The following MOCS1 variants were observed in gnomAD, a reference collection of about 807,000 sequenced individuals.
The protein encoded by MOCS1 is molybdenum cofactor biosynthesis protein 1.
Under a neutral mutation model 57.6 loss-of-function variants are expected in MOCS1, and 39 were observed. That is an observed-to-expected ratio of 0.68 (90% CI 0.52 to 0.88). The LOEUF is 0.88. Among genes scored for constraint, MOCS1 ranks in the 40% least tolerant of loss-of-function variants. MOCS1 has a pLI of 0.00. For missense variants in MOCS1, 795 were observed against 831.1 expected (o/e 0.96, Z 0.53); for synonymous variants, 334 against 335.7 (o/e 1.00, Z 0.05).
At chr6:39,909,628 G>A (rs372943028) in intron 9 of MOCS1, among the ~76,000 whole-genome samples, 6 of 152,118 alleles carry the variant, frequency 3.9e-5, no homozygotes, top group African/African-American at 1.4e-4. Context: ...TGCAGCCTCT[G>A]CTATGACTTT....
At chr6:39,913,545 C>G in intron 5 of MOCS1, 117 bp from the exon 6 acceptor site, 2 of 1,001,222 alleles carry the variant, frequency 2.0e-6, no homozygotes, top group Non-Finnish European at 3.1e-6. Flanking sequence ...TTCCTTGCTT[C>G]TCCCACTCAG....
In MOCS1 at chr6:39,913,812, T is replaced by C. The variant is rs1767493973; in HGVS notation, c.607A>G (p.Ile203Val). The change falls in exon 5 of 11, where the codon ATC becomes GTC. Residue 203 changes from isoleucine (I) to valine (V), a missense_variant. Physicochemically the swap from Ile to Val is conservative, Grantham distance 29. This residue lies in a region of MOCS1 where 416 missense variants were observed against 392.4 expected (regional missense o/e 1.06). Coordinates refer to ENST00000340692, the MANE Select transcript of MOCS1 (RefSeq NM_001358530.2). ...RKGFHKVMEG[I>V]HKAIELGYNP... is the part of the protein sequence containing the mutation. ...TAGCCCAGCTCGATGGCCTTGTGGA[T>C]GCCCTCCATGACCTTGTGGAAGCCT... 1 of 1,614,202 alleles carries C rather than the reference T, an allele frequency of 6.2e-7. No homozygotes were observed.
chr6:39,913,208 C>A, intron 6 of MOCS1, 109 bp downstream of exon 6: 3 of 1,014,864 alleles, frequency 3.0e-6, no homozygotes, highest in South Asian at 2.6e-5. Context: ...CCATCATAAT[C>A]CTAGACTCAC....
At position 39,909,916 on chromosome 6, in the gene MOCS1, G is replaced by C; in HGVS notation, c.1021C>G (p.His341Asp). The C allele has an allele frequency of 6.2e-7, 1 of 1,613,814 alleles. No individual in the cohort carries two copies. The highest frequency in any genetic ancestry group is 1.1e-5 in the South Asian group (1 of 91,092). ...FGNSEVSLRDHLRAGASEQEL... is the reference protein window; with the variant it reads ...FGNSEVSLRDDLRAGASEQEL... ...TGCTCAGAGGCCCCAGCTCGCAGGT[G>C]ATCCCGCAGGGATACCTCAGAGTTT... is the stretch of plus-strand genomic sequence containing the variant. The change falls in exon 9 of 11, where the codon CAC becomes GAC. Residue 341 changes from histidine (H) to aspartate (D), a missense_variant. Physicochemically the swap from His to Asp is moderately conservative, Grantham distance 81 (BLOSUM62 -1). Around this residue, in one of 3 missense-constraint regions of MOCS1, gnomAD observed 374 missense variants for 422.6 expected, o/e 0.89. Transcript: ENST00000340692.
chr6:39,911,244 T>C (rs1337666534), intron 8 of MOCS1, among the ~76,000 whole-genome samples: 5 of 152,192 alleles, frequency 3.3e-5, no homozygotes, highest in Admixed American at 6.5e-5. Flanking sequence ...ACCCCCAAGC[T>C]TTTCAGCAAC....
intron 5 of MOCS1, 122 bp from the exon 6 acceptor site, chr6:39,913,550 A>G (rs1767471790): frequency 1.0e-6 from 1 of 989,268 alleles, no homozygotes; most frequent in Admixed American, 2.0e-5. Context: ...TGCTTCTCCC[A>G]CTCAGTTCTC....
intron 1 of MOCS1, among the ~76,000 whole-genome samples, chr6:39,933,473 T>C (rs1045483586): frequency 2.0e-5 from 3 of 152,038 alleles, no homozygotes; most frequent in Non-Finnish European, 4.4e-5. Context: ...AGTGATCTTA[T>C]GAATCCCAGG....
At chr6:39,915,463 C>A (rs1379869257) in intron 4 of MOCS1, among the ~76,000 whole-genome samples, 1 of 152,162 alleles carries the variant, frequency 6.6e-6, no homozygotes, top group Non-Finnish European at 1.5e-5. Flanking sequence ...TTTGCCCCAA[C>A]ATGAGGTCCA....
intron 3 of MOCS1, among the ~76,000 whole-genome samples, chr6:39,921,450 T>C (rs971930971): frequency 6.6e-6 from 1 of 152,112 alleles, no homozygotes; most frequent in Non-Finnish European, 1.5e-5. Context: ...TGGGTTTCCT[T>C]AGGAACCACT....
rs112994296 is a variant in MOCS1, at chr6:39,913,767, G to A, written c.645+7C>T. 9.6e-5 allele frequency: 155 copies of A among 1,614,100 alleles called. No homozygotes were observed. In the African/African-American group the frequency reaches 1.6e-3, roughly 17 times the overall value. On this transcript the variant is annotated splice_region_variant and intron_variant, in intron 5 of 10. Transcript: ENST00000340692. ...GTCGGGAATCTACGGCAGGGGCACG[G>A]CCTCACCTTCACAGGGTTGTAGCCC...
chr6:39,933,570 T>C (rs551771102), intron 1 of MOCS1, among the ~76,000 whole-genome samples: 5 of 152,182 alleles, frequency 3.3e-5, no homozygotes, highest in East Asian at 3.9e-4. Context: ...GAGGTACTTT[T>C]CCCCCCAAAT....
chr6:39,907,692 G>C (rs1767045405), intron 10 of MOCS1, among the ~76,000 whole-genome samples: 1 of 152,182 alleles, frequency 6.6e-6, no homozygotes. Flanking sequence ...AGAGGGCCTA[G>C]GGAATGGTGC....
At chr6:39,915,290 C>G (rs1238797311) in intron 4 of MOCS1, among the ~76,000 whole-genome samples, 1 of 152,172 alleles carries the variant, frequency 6.6e-6, no homozygotes, top group Non-Finnish European at 1.5e-5. Flanking sequence ...GCATCACACC[C>G]CGTTTAAGAA....
In MOCS1 at chr6:39,906,462, GAGGGCGGCCACTGCAGCAGAGGTC is replaced by G; in HGVS notation, c.1782_1805del (p.Ser596_Thr603del). ...CAGCCTTGCACATGTCATACAGGGT[GAGGGCGGCCACTGCAGCAGAGGTC>G]AGGGCCTCCATCTCCACCCCGGTGG... On this transcript the variant is annotated inframe_deletion, in exon 11 of 11. Transcript: ENST00000340692. The G allele has an allele frequency of 6.2e-7, 1 of 1,613,744 alleles. No homozygotes were observed. Among genetic ancestry groups the G allele is most frequent in the Non-Finnish European group, 8.5e-7 (1 of 1,179,698 alleles).
intron 3 of MOCS1, among the ~76,000 whole-genome samples, chr6:39,916,863 G>A (rs1429453748): frequency 6.6e-6 from 1 of 152,322 alleles, no homozygotes; most frequent in East Asian, 1.9e-4. Flanking sequence ...AGCTCAAAGT[G>A]CACCCAGGAG....
chr6:39,907,993 A>G (rs967904639), intron 10 of MOCS1, among the ~76,000 whole-genome samples: 1 of 152,238 alleles, frequency 6.6e-6, no homozygotes, highest in Non-Finnish European at 1.5e-5. Context: ...AGACATGTCA[A>G]TGTCAGAGGG....
rs530177835 is a variant in MOCS1 at position 39,934,281 on chromosome 6, C to G, written c.123+14G>C. On this transcript the variant is annotated intron_variant, in intron 1 of 10. Transcript: ENST00000340692. ...TGCCCCGGGAAGCTGTGGACGCAGG[C>G]GGGGTGGGCTCACCTCCGAGGCAGC... 3 of 1,534,296 alleles carry G rather than the reference C, an allele frequency of 2.0e-6. No homozygotes were observed. The highest frequency in any genetic ancestry group is 2.7e-5 in the African/African-American group (2 of 73,122).
chr6:39,912,264 C>A lies in MOCS1; in HGVS notation c.981G>T (p.Lys327Asn), dbSNP rs764550342. The A allele has an allele frequency of 6.2e-7, 1 of 1,609,742 alleles. No homozygotes were observed. Among genetic ancestry groups the A allele is most frequent in the Non-Finnish European group, 8.5e-7 (1 of 1,177,514 alleles). Residue 327 changes from lysine to asparagine, a missense_variant and splice_region_variant, in exon 8 of 11, where the codon AAG (lysine) becomes AAT (asparagine). Around this residue, in one of 3 missense-constraint regions of MOCS1, gnomAD observed 374 missense variants for 422.6 expected, o/e 0.89. Coordinates refer to ENST00000340692, the MANE Select transcript of MOCS1 (RefSeq NM_001358530.2). Reference protein sequence around the residue: ...RLRITADGNLKVCLFGNSEVS... With the variant: ...RLRITADGNLNVCLFGNSEVS... Reference sequence around the variant, plus strand: ...TCCCTGTGGAGGAGGGGATGCTCACCTTGAGGTTCCCATCAGCTGTGATTC... The same window carrying A: ...TCCCTGTGGAGGAGGGGATGCTCACATTGAGGTTCCCATCAGCTGTGATTC...
At chr6:39,910,095 T>A in intron 8 of MOCS1, 140 bp from the exon 9 acceptor site, 1 of 1,297,752 alleles carries the variant, frequency 7.7e-7, no homozygotes, top group Non-Finnish European at 1.1e-6. Context: ...CCCCTAGCAG[T>A]GAGAGACAGA....
Sources: allele counts gnomAD v4.1 joint callset (sites outside exome capture counted in the v4.1 genomes callset), GRCh38; gene constraint gnomAD v4.1.1; regional missense constraint gnomAD v4.1.1; transcripts MANE v1.5; gene names NCBI Gene and HGNC (gene_info 2026-07-23, HGNC 2026-07-21).